The following IQSEC1 variants were observed in gnomAD, a reference collection of about 807,000 sequenced individuals.
IQSEC1 encodes the protein IQ motif and SEC7 domain-containing protein 1.
IQSEC1 carries 31 observed loss-of-function variants against 91.0 expected under a neutral mutation model. That is an observed-to-expected ratio of 0.34 (90% CI 0.26 to 0.46). The LOEUF (loss-of-function observed/expected upper bound fraction) is 0.46, where lower values mean the gene tolerates loss of function less well. Ranked by LOEUF, IQSEC1 falls within the 20% of genes least tolerant of loss-of-function variation. The pLI, the probability that IQSEC1 is intolerant of heterozygous loss-of-function variation, is 1.00. For synonymous variants in IQSEC1, 699 were observed against 662.6 expected (o/e 1.05, Z -0.84); for missense variants, 1,388 against 1,575.6 (o/e 0.88, Z 2.02).
chr3:13,180,494 C>A (rs1489855363), intron 1 of IQSEC1, among the ~76,000 whole-genome samples: 3 of 152,156 alleles, frequency 2.0e-5, no homozygotes, highest in East Asian at 1.9e-4. Flanking sequence ...GTAAAACAGA[C>A]CAATCAACAG....
rs1347320430 is a variant in IQSEC1 at position 12,967,369 on chromosome 3, C to CCCGCG, written c.24-25509_24-25505dup. 3.9e-6 allele frequency: 6 copies of CCCGCG among 1,531,398 alleles called. No individual in the cohort carries two copies. In the African/African-American group the frequency reaches 7.0e-5, roughly 18 times the overall value. 94.9% of individuals were successfully genotyped at this position (1,531,398 alleles called of 1,614,324 possible). ...CTCAGCACCCGGGAAGGCCGCTCGC[C>CCCGCG]CCGCGCCGCGCCCTCACCCGCTGTC... On this transcript the variant is annotated intron_variant, in intron 1 of 13. Coordinates refer to ENST00000613206, the MANE Select transcript of IQSEC1 (RefSeq NM_001134382.3). This position sits in a 1 kb window ranked among gnomAD's most constrained non-coding sequence, Gnocchi z 5.9.
At chr3:13,109,947 A>C (rs1306374286) in intron 2 of IQSEC1, among the ~76,000 whole-genome samples, 1 of 136,422 alleles carries the variant, frequency 7.3e-6, no homozygotes, top group African/African-American at 2.8e-5. Flanking sequence ...CAGTGGCGTG[A>C]TCTCGGCTCA....
intron 12 of IQSEC1, among the ~76,000 whole-genome samples, chr3:12,907,083 C>G (rs950657409): frequency 6.6e-6 from 1 of 152,294 alleles, no homozygotes; most frequent in African/African-American, 2.4e-5. Flanking sequence ...AACATCTTGC[C>G]AAGCCCGGGA....
rs533476909 is a variant in IQSEC1, at chr3:12,899,634, C to T, written c.*1349G>A. On this transcript the variant is annotated 3_prime_UTR_variant, in exon 14 of 14. Transcript: ENST00000613206. ...TCGTCGGCTGGGGTCACACGGGCCA[C>T]GGTGAGGACACAGGGGTTCTGCTAG... is the stretch of plus-strand genomic sequence containing the variant. The T allele has an allele frequency of 1.3e-5, 13 of 985,422 alleles. No homozygotes were observed. The East Asian group carries it at 4.5e-4, about 34-fold the overall frequency. 61.0% of individuals were successfully genotyped at this position (985,422 alleles called of 1,614,324 possible). A position where few individuals can be genotyped will look rare whatever the true frequency, so the allele number is the denominator to read the frequency against.
intron 1 of IQSEC1, among the ~76,000 whole-genome samples, chr3:13,016,187 G>A (rs1167817634): frequency 1.3e-5 from 2 of 152,318 alleles, no homozygotes; most frequent in Non-Finnish European, 2.9e-5. Context: ...CTGGAGAGCC[G>A]CCACCAGCCC....
chr3:13,278,099 G>A (rs1695723627), intron 1 of IQSEC1, among the ~76,000 whole-genome samples: 1 of 152,158 alleles, frequency 6.6e-6, no homozygotes, highest in Non-Finnish European at 1.5e-5. Flanking sequence ...TACTGGTTTG[G>A]TAAATCAACA....
chr3:13,210,160 G>A (rs187194536), intron 1 of IQSEC1, among the ~76,000 whole-genome samples: 78 of 152,230 alleles, frequency 5.1e-4, no homozygotes, highest in African/African-American at 1.6e-3. Flanking sequence ...GGACACAAAC[G>A]CACCAGGATT....
At chr3:13,155,285 A>T (rs1707068081) in intron 2 of IQSEC1, among the ~76,000 whole-genome samples, 4 of 152,204 alleles carry the variant, frequency 2.6e-5, no homozygotes, top group Admixed American at 6.5e-5. Flanking sequence ...CTAAAATCAG[A>T]AGTGAAAGTT....
intron 1 of IQSEC1, among the ~76,000 whole-genome samples, chr3:13,227,248 C>T (rs1343616648): frequency 2.6e-5 from 4 of 151,520 alleles, no homozygotes; most frequent in Non-Finnish European, 5.9e-5. Flanking sequence ...TGGTGGCGGG[C>T]GCCTATAATC....
intron 1 of IQSEC1, among the ~76,000 whole-genome samples, chr3:13,033,339 C>T (rs1374257296): frequency 1.3e-5 from 2 of 152,116 alleles, no homozygotes; most frequent in African/African-American, 4.8e-5. Flanking sequence ...GACCAAGAGG[C>T]TTAAACAACA....
At chr3:13,217,329 C>T (rs547593098) in intron 1 of IQSEC1, among the ~76,000 whole-genome samples, 1 of 152,312 alleles carries the variant, frequency 6.6e-6, no homozygotes, top group Admixed American at 6.5e-5. Context: ...TATGGGGTTG[C>T]CTTTTCAGGA....
chr3:13,157,299 C>T (rs1485996402), intron 2 of IQSEC1, among the ~76,000 whole-genome samples: 5 of 152,222 alleles, frequency 3.3e-5, no homozygotes, highest in African/African-American at 1.2e-4. Flanking sequence ...TAATTCTCTA[C>T]ACAAGTTCAC....
chr3:13,270,814 G>A (rs1230963321), intron 1 of IQSEC1, among the ~76,000 whole-genome samples: 3 of 152,090 alleles, frequency 2.0e-5, no homozygotes, highest in Non-Finnish European at 4.4e-5. Flanking sequence ...ATTAAATGTA[G>A]ATTAAACACT....
At chr3:13,163,866 G>A (rs1317908350) in intron 2 of IQSEC1, among the ~76,000 whole-genome samples, 1 of 152,146 alleles carries the variant, frequency 6.6e-6, no homozygotes, top group Non-Finnish European at 1.5e-5. Context: ...TCTCTGCAGA[G>A]GTCACTCTAA....
At chr3:13,067,005 C>T (rs532182654) in intron 1 of IQSEC1, among the ~76,000 whole-genome samples, 13 of 152,312 alleles carry the variant, frequency 8.5e-5, no homozygotes, top group African/African-American at 2.6e-4. Context: ...CCCTGTGTGT[C>T]GCAGCATAAC....
At chr3:13,215,345 C>T (rs73815434) in intron 1 of IQSEC1, among the ~76,000 whole-genome samples, 153 of 151,612 alleles carry the variant, frequency 1.0e-3, no homozygotes, top group African/African-American at 3.6e-3. Flanking sequence ...GATCATCAGC[C>T]TACAACCAAA....
intron 1 of IQSEC1, among the ~76,000 whole-genome samples, chr3:13,014,614 G>C (rs536465480): frequency 6.6e-6 from 1 of 152,184 alleles, no homozygotes; most frequent in Non-Finnish European, 1.5e-5. Context: ...GGGCTGGGGT[G>C]GGGGAGGCTT....
At chr3:13,221,935 G>A (rs574862238) in intron 1 of IQSEC1, among the ~76,000 whole-genome samples, 6 of 152,376 alleles carry the variant, frequency 3.9e-5, no homozygotes, top group South Asian at 2.1e-4. Flanking sequence ...GATGGTAGCC[G>A]CGGAGCAGAG....
At chr3:13,079,950 C>T (rs1000408578) in intron 2 of IQSEC1, among the ~76,000 whole-genome samples, 2 of 152,156 alleles carry the variant, frequency 1.3e-5, no homozygotes, top group African/African-American at 4.8e-5. Context: ...CAGAAGTTTC[C>T]TGGAGGACAA....
Sources: gnomAD v4.1 joint callset for allele counts (sites outside exome capture counted in the v4.1 genomes callset) on GRCh38, gnomAD v4.1.1 for gene constraint, Gnocchi (gnomAD v3.1) non-coding constraint, MANE v1.5 for transcripts, NCBI Gene and HGNC (gene_info 2026-07-23, HGNC 2026-07-21) for gene names.